The following ROBO2 variants were observed in gnomAD, a reference collection of about 807,000 sequenced individuals.
The protein encoded by ROBO2 is roundabout guidance receptor 2, also known as roundabout homolog 2.
A neutral mutation model predicts 160.8 loss-of-function variants in ROBO2; 53 were observed. That is an observed-to-expected ratio of 0.33 (90% CI 0.26 to 0.41). The LOEUF (loss-of-function observed/expected upper bound fraction) is 0.41. ROBO2 is among the 10% of genes least tolerant of loss of function. ROBO2 has a pLI of 1.00. For missense variants in ROBO2, 1,577 were observed against 1,722.4 expected (o/e 0.92, Z 1.49); for synonymous variants, 664 against 611.7 (o/e 1.09, Z -1.26).
chr3:77,436,491 A>T lies in ROBO2; in HGVS notation c.389-40923A>T, dbSNP rs541911105. On this transcript the variant is annotated intron_variant, in intron 2 of 25. Transcript: ENST00000461745. ...CATTTTATTTTCTTGGGCTTGTTAC[A>T]TTTTAAGAGCAAAAGTAGGTGTCAG... Among the ~76,000 whole-genome samples the T allele has an allele frequency of 2.6e-5, 4 of 151,732 alleles. No individual in the cohort carries two copies. The South Asian group carries it at 6.2e-4, about 24-fold the overall frequency.
chr3:77,206,494 T>C (rs1465303783), intron 2 of ROBO2, among the ~76,000 whole-genome samples: 1 of 152,082 alleles, frequency 6.6e-6, no homozygotes, highest in Non-Finnish European at 1.5e-5. Flanking sequence ...TCCAGTCTTA[T>C]TGTATTAAAG....
At chr3:77,269,098 T>C (rs533503449) in intron 2 of ROBO2, among the ~76,000 whole-genome samples, 1 of 136,892 alleles carries the variant, frequency 7.3e-6, no homozygotes, top group Admixed American at 7.7e-5. Context: ...TGTGTTGGTA[T>C]AAAAAATAGG....
At chr3:76,296,637 CCTAAA>C (rs370445660) in intron 2 of ROBO2, among the ~76,000 whole-genome samples, 1 of 152,202 alleles carries the variant, frequency 6.6e-6, no homozygotes, top group African/African-American at 2.4e-5. Context: ...TGCCTCAGGG[CCTAAA>C]CTAATCACTG....
At chr3:76,312,574 A>G (rs2071669348) in intron 2 of ROBO2, among the ~76,000 whole-genome samples, 1 of 152,204 alleles carries the variant, frequency 6.6e-6, no homozygotes, top group South Asian at 2.1e-4. Flanking sequence ...CAGGCCTTGT[A>G]AATTATACCA....
upstream of ROBO2, among the ~76,000 whole-genome samples, chr3:77,035,950 A>T (rs1376721436): frequency 1.3e-5 from 2 of 151,992 alleles, no homozygotes; most frequent in Non-Finnish European, 2.9e-5. Flanking sequence ...GGCTTTAAAG[A>T]GGTTCTTAAA....
intron 2 of ROBO2, among the ~76,000 whole-genome samples, chr3:76,070,828 C>A (rs2068430921): frequency 1.3e-5 from 2 of 152,190 alleles, no homozygotes; most frequent in Middle Eastern, 3.4e-3. Flanking sequence ...TAGAAAAGAA[C>A]CTACGGAATA....
chr3:75,918,883 A>T (rs1442646773), intron 1 of ROBO2, among the ~76,000 whole-genome samples: 1 of 152,134 alleles, frequency 6.6e-6, no homozygotes, highest in Non-Finnish European at 1.5e-5. Context: ...TTGCACATTA[A>T]TTTTATATCC....
chr3:75,931,041 A>G (rs1264429655), intron 1 of ROBO2, among the ~76,000 whole-genome samples: 1 of 152,136 alleles, frequency 6.6e-6, no homozygotes, highest in Non-Finnish European at 1.5e-5. Context: ...GTTCCTCATC[A>G]TTGCTAATGA....
At chr3:76,615,049 G>A (rs1360109398) in intron 2 of ROBO2, among the ~76,000 whole-genome samples, 3 of 151,890 alleles carry the variant, frequency 2.0e-5, no homozygotes, top group East Asian at 1.9e-4. Flanking sequence ...TTAGACATCC[G>A]GAATTTCTAC....
chr3:76,547,089 C>T (rs1032009283), intron 2 of ROBO2, among the ~76,000 whole-genome samples: 4 of 151,864 alleles, frequency 2.6e-5, no homozygotes, highest in Admixed American at 6.6e-5. Flanking sequence ...AAAATTTTCC[C>T]TTTTAATTTT....
At chr3:77,120,900 T>G (rs1413981589) in intron 2 of ROBO2, among the ~76,000 whole-genome samples, 1 of 152,146 alleles carries the variant, frequency 6.6e-6, no homozygotes, top group Non-Finnish European at 1.5e-5. Context: ...TTCTTATTAG[T>G]CAGTGTTATG....
intron 2 of ROBO2, among the ~76,000 whole-genome samples, chr3:76,222,676 G>A (rs952243664): frequency 1.3e-5 from 2 of 152,152 alleles, no homozygotes; most frequent in South Asian, 2.1e-4. Flanking sequence ...TCTCCTACCC[G>A]GCTCATACCA....
At chr3:76,902,099 T>C (rs2075280317) in intron 2 of ROBO2, among the ~76,000 whole-genome samples, 1 of 152,088 alleles carries the variant, frequency 6.6e-6, no homozygotes, top group Non-Finnish European at 1.5e-5. Context: ...TGAACATTTA[T>C]CTTAATCTAG....
chr3:77,563,428 C>A, intron 11 of ROBO2, 99 bp downstream of exon 12: 4 of 1,126,868 alleles, frequency 3.5e-6, no homozygotes, highest in Non-Finnish European at 4.0e-6. Flanking sequence ...AAGACATGTC[C>A]AATCAATGCA....
intron 2 of ROBO2, among the ~76,000 whole-genome samples, chr3:76,515,300 A>G (rs564318156): frequency 2.0e-5 from 3 of 152,284 alleles, no homozygotes; most frequent in South Asian, 2.1e-4. Context: ...CATTCAGGTG[A>G]AAGGGAAAAA....
intron 2 of ROBO2, among the ~76,000 whole-genome samples, chr3:77,293,225 G>A (rs1027032863): frequency 1.3e-5 from 2 of 151,146 alleles, no homozygotes; most frequent in Non-Finnish European, 2.9e-5. Context: ...GCTGAGGCTA[G>A]ATCACCCCAG....
intron 2 of ROBO2, among the ~76,000 whole-genome samples, chr3:76,138,385 T>C (rs1205329275): frequency 6.6e-6 from 1 of 152,024 alleles, no homozygotes; most frequent in East Asian, 1.9e-4. Context: ...TCGATATAGA[T>C]TCTAAATGCA....
chr3:76,221,083 A>G (rs903763670), intron 2 of ROBO2, among the ~76,000 whole-genome samples: 2 of 152,194 alleles, frequency 1.3e-5, no homozygotes, highest in Admixed American at 1.3e-4. Context: ...ACTTCCATTG[A>G]GAAGTAGTAG....
intron 2 of ROBO2, among the ~76,000 whole-genome samples, chr3:76,546,723 G>C (rs1379440734): frequency 6.6e-6 from 1 of 151,790 alleles, no homozygotes; most frequent in Non-Finnish European, 1.5e-5. Context: ...ACCTCTACAT[G>C]ACCACTATCT....
Sources: gnomAD v4.1 joint callset for allele counts (sites outside exome capture counted in the v4.1 genomes callset) on GRCh38, gnomAD v4.1.1 for gene constraint, MANE v1.5 for transcripts, NCBI Gene and HGNC (gene_info 2026-07-23, HGNC 2026-07-21) for gene names.